GPC6: variants seen among roughly 807,000 people sequenced by gnomAD.
GPC6 encodes the protein glypican 6.
GPC6 carries 14 observed loss-of-function variants against 55.2 expected under a neutral mutation model. The ratio of observed to expected loss-of-function variants is 0.25; its 90% confidence interval spans 0.17 to 0.40. GPC6 has a LOEUF of 0.40. Ranked by LOEUF, GPC6 falls within the 10% of genes least tolerant of loss-of-function variation. The pLI is 1.00. For synonymous variants in GPC6, 278 were observed against 259.6 expected (o/e 1.07, Z -0.68); for missense variants, 641 against 708.5 (o/e 0.90, Z 1.08).
chr13:93,442,375 A>G (rs1393923277), intron 1 of GPC6, among the ~76,000 whole-genome samples: 1 of 152,202 alleles, frequency 6.6e-6, no homozygotes, highest in East Asian at 1.9e-4. Context: ...GCTGGTAGAA[A>G]GGAGAAAAGG....
intron 2 of GPC6, among the ~76,000 whole-genome samples, chr13:93,769,510 C>T (rs1885224352): frequency 6.6e-6 from 1 of 152,034 alleles, no homozygotes; most frequent in Admixed American, 6.6e-5. Flanking sequence ...CACCTTTCTC[C>T]ACAGCTTTCC....
intron 2 of GPC6, among the ~76,000 whole-genome samples, chr13:93,645,522 A>G (rs917803175): frequency 1.3e-5 from 2 of 152,144 alleles, no homozygotes; most frequent in African/African-American, 4.8e-5. Flanking sequence ...CTGAAGAGTG[A>G]TCATTTCTAT....
chr13:93,993,717 C>T (rs1881415954), intron 3 of GPC6, among the ~76,000 whole-genome samples: 1 of 152,148 alleles, frequency 6.6e-6, no homozygotes, highest in South Asian at 2.1e-4. Flanking sequence ...CATATGCATT[C>T]TGTGAATTAG....
Position 93,835,365 on chromosome 13 carries a change from G to A in GPC6, c.711+4820G>A, listed in dbSNP as rs146862957. ...AGCTATTTGAGAGGCTGCAGTGGGAGAGTGGCTTGAGCCCAGGAGGTGGAG... is the reference window on the plus strand; with the variant it reads ...AGCTATTTGAGAGGCTGCAGTGGGAAAGTGGCTTGAGCCCAGGAGGTGGAG... On this transcript the variant is annotated intron_variant, in intron 3 of 8. Transcript: ENST00000377047. Among the ~76,000 whole-genome samples the A allele has an allele frequency of 2.3e-3, 345 of 152,286 alleles. 2 individuals are homozygous for A. Among genetic ancestry groups the A allele is most frequent in the Non-Finnish European group, 4.1e-3 (276 of 68,014 alleles).
chr13:93,657,521 C>T (rs1430290486), intron 2 of GPC6, among the ~76,000 whole-genome samples: 1 of 152,038 alleles, frequency 6.6e-6, no homozygotes, highest in African/African-American at 2.4e-5. Flanking sequence ...TAGAAAACAT[C>T]ATTCTGGACA....
intron 3 of GPC6, among the ~76,000 whole-genome samples, chr13:93,942,041 TTAAG>T (rs1451227816): frequency 8.5e-5 from 13 of 152,244 alleles, no homozygotes; most frequent in African/African-American, 2.6e-4. Flanking sequence ...TTTCCAGTTT[TTAAG>T]AGAATTCCTA....
At chr13:93,279,466 A>G (rs1877872753) in intron 1 of GPC6, among the ~76,000 whole-genome samples, 1 of 152,216 alleles carries the variant, frequency 6.6e-6, no homozygotes, top group Non-Finnish European at 1.5e-5. Flanking sequence ...ATTCTGCCAT[A>G]AAATAGCTTC....
chr13:94,034,435 G>C lies in GPC6; in HGVS notation c.877+6541G>C, dbSNP rs1054152836. Among the ~76,000 whole-genome samples the C allele has an allele frequency of 3.3e-5, 5 of 152,248 alleles. 1 individual carries two copies. The highest frequency in any genetic ancestry group is 1.2e-4 in the African/African-American group (5 of 41,546). The stretch of plus-strand genomic sequence containing the variant: ...AATGTGTGGGTATTCAGCAGATATA[G>C]AGACAGGCATTTCTTAACCTCTGAA... On this transcript the variant is annotated intron_variant, in intron 4 of 8. Transcript: ENST00000377047.
chr13:93,281,015 A>G (rs1244193209), intron 1 of GPC6, among the ~76,000 whole-genome samples: 1 of 152,160 alleles, frequency 6.6e-6, no homozygotes, highest in Admixed American at 6.5e-5. Context: ...TCTGAGGTCC[A>G]AGGGTTGGGG....
chr13:93,366,508 G>T (rs9524022), intron 1 of GPC6, among the ~76,000 whole-genome samples: 1 of 151,754 alleles, frequency 6.6e-6, no homozygotes, highest in Non-Finnish European at 1.5e-5. Flanking sequence ...AAGTTATGAC[G>T]ATATTAAATT....
intron 4 of GPC6, among the ~76,000 whole-genome samples, chr13:94,052,615 C>G (rs1011136259): frequency 5.9e-5 from 9 of 152,126 alleles, no homozygotes; most frequent in African/African-American, 2.2e-4. Context: ...TTATATCCCT[C>G]AGTTTATGCC....
intron 3 of GPC6, among the ~76,000 whole-genome samples, chr13:93,990,960 A>G (rs560801410): frequency 6.0e-5 from 9 of 150,308 alleles, no homozygotes; most frequent in African/African-American, 2.2e-4. Context: ...AAGGAAGGAA[A>G]GAAGGAAGGA....
intron 3 of GPC6, among the ~76,000 whole-genome samples, chr13:93,873,132 T>C (rs914901373): frequency 2.0e-5 from 3 of 151,764 alleles, no homozygotes; most frequent in Non-Finnish European, 4.4e-5. Flanking sequence ...TTTTAATTAA[T>C]GAGGGAGGTC....
intron 3 of GPC6, among the ~76,000 whole-genome samples, chr13:93,987,987 G>A (rs1881111560): frequency 5.9e-5 from 9 of 152,014 alleles, no homozygotes; most frequent in Admixed American, 5.9e-4. Flanking sequence ...CTGCAGAGGG[G>A]TCTTTCTGAA....
intron 7 of GPC6, 145 bp from the exon 8 acceptor site, chr13:94,398,321 A>AT (rs58743407): frequency 4.1e-5 from 27 of 663,712 alleles, no homozygotes; most frequent in Non-Finnish European, 4.6e-5. Context: ...ACTATTTGGC[A>AT]TTTTTTTTCC....
intron 4 of GPC6, among the ~76,000 whole-genome samples, chr13:94,067,151 A>G (rs1287974271): frequency 1.3e-5 from 2 of 152,218 alleles, no homozygotes; most frequent in Non-Finnish European, 2.9e-5. Flanking sequence ...ATTGAAAAAT[A>G]CCTACTCAAA....
At chr13:94,077,999 G>A (rs1884977014) in intron 4 of GPC6, among the ~76,000 whole-genome samples, 2 of 151,786 alleles carry the variant, frequency 1.3e-5, no homozygotes, top group South Asian at 2.1e-4. Context: ...TCTTCAAGAT[G>A]GATCACATGT....
chr13:94,015,808 T>A (rs1882444077), intron 3 of GPC6, among the ~76,000 whole-genome samples: 1 of 152,208 alleles, frequency 6.6e-6, no homozygotes, highest in African/African-American at 2.4e-5. Flanking sequence ...CAATTGGCCA[T>A]AAATGTGTGG....
At chr13:93,743,766 A>G (rs1884289568) in intron 2 of GPC6, among the ~76,000 whole-genome samples, 1 of 152,154 alleles carries the variant, frequency 6.6e-6, no homozygotes, top group East Asian at 1.9e-4. Context: ...ACTAATAGAA[A>G]CAATTCAAGA....
Sources: gnomAD v4.1 joint callset for allele counts (sites outside exome capture counted in the v4.1 genomes callset) on GRCh38, gnomAD v4.1.1 for gene constraint, MANE v1.5 for transcripts, NCBI Gene and HGNC (gene_info 2026-07-23, HGNC 2026-07-21) for gene names.